RPS6KA3: variants seen among roughly 807,000 people sequenced by gnomAD.
The protein encoded by RPS6KA3 is ribosomal protein S6 kinase A3, also known as ribosomal protein S6 kinase alpha-3.
A neutral mutation model predicts 67.2 loss-of-function variants in RPS6KA3; 4 were observed. The observed-to-expected ratio is 0.06, with a 90% CI of 0.03 to 0.14. The LOEUF (loss-of-function observed/expected upper bound fraction) is 0.14, where lower values mean the gene tolerates loss of function less well. Ranked by LOEUF, RPS6KA3 falls within the 10% of genes least tolerant of loss-of-function variation. The pLI, the probability that RPS6KA3 is intolerant of heterozygous loss-of-function variation, is 1.00. For synonymous variants in RPS6KA3, 182 were observed against 183.7 expected (o/e 0.99, Z 0.07); for missense variants, 204 against 559.0 (o/e 0.36, Z 6.40).
At chrX:20,252,346 T>G (rs1012378999) in intron 1 of RPS6KA3, among the ~76,000 whole-genome samples, 1 of 111,898 alleles carries the variant, frequency 8.9e-6, no homozygotes, top group African/African-American at 3.3e-5. Flanking sequence ...TCCTGGTTTT[T>G]GGTATAAGTG....
chrX:20,191,782 T>C (rs1215062024), intron 7 of RPS6KA3, among the ~76,000 whole-genome samples: 1 of 111,468 alleles, frequency 9.0e-6, no homozygotes, highest in East Asian at 2.8e-4. Context: ...TTCTTTTTTT[T>C]TGAGACTGAG....
rs1221469315 is a variant in RPS6KA3, at chrX:20,199,328, G to C, written c.326-4183C>G. 3.6e-5 allele frequency among the ~76,000 whole-genome samples: 4 copies of C among 111,833 alleles called. No homozygotes were observed. The Admixed American group carries it at 3.8e-4, about 11-fold the overall frequency. On this transcript the variant is annotated intron_variant, in intron 4 of 21. Coordinates refer to ENST00000379565, the MANE Select transcript of RPS6KA3 (RefSeq NM_004586.3). Reference sequence around the variant, plus strand: ...ATGTTGAAGCAGGGAGAAGGGTACAGGGGGTTCACTATATTCTTCTGTCTC... The same window carrying C: ...ATGTTGAAGCAGGGAGAAGGGTACACGGGGTTCACTATATTCTTCTGTCTC...
At chrX:20,250,200 G>T (rs55678712) in intron 1 of RPS6KA3, among the ~76,000 whole-genome samples, 1 of 110,915 alleles carries the variant, frequency 9.0e-6, no homozygotes, top group African/African-American at 3.3e-5. Flanking sequence ...CTCCCATTTT[G>T]TTTTTAGAGA....
In RPS6KA3 at chrX:20,158,387, AAG is replaced by A. The variant is rs60488991; in HGVS notation, c.1960-2140_1960-2139del. The stretch of plus-strand genomic sequence containing the variant: ...TCTCAAAAAAAAAAAAAAAAAAAAA[AAG>A]AGAGAGAGAGAGAGAGAAATGGAGG... On this transcript the variant is annotated intron_variant, in intron 20 of 21. Transcript: ENST00000379565. Among the ~76,000 whole-genome samples the A allele has an allele frequency of 1.1e-4, 11 of 97,386 alleles. No individual in the cohort carries two copies. The East Asian group carries it at 1.2e-3, about 11-fold the overall frequency. The allele number at this position is 97,386 out of a possible 115,157, so 84.6% of individuals were successfully genotyped here. A position where few individuals can be genotyped will look rare whatever the true frequency, so the allele number is the denominator to read the frequency against.
At chrX:20,263,589 G>A (rs910896228) in intron 1 of RPS6KA3, among the ~76,000 whole-genome samples, 3 of 111,774 alleles carry the variant, frequency 2.7e-5, no homozygotes, top group African/African-American at 9.8e-5. Flanking sequence ...TGAGATTCGT[G>A]TGAGGTCTTA....
At chrX:20,187,153 G>C (rs1166126430) in intron 9 of RPS6KA3, among the ~76,000 whole-genome samples, 1 of 111,797 alleles carries the variant, frequency 8.9e-6, no homozygotes. Flanking sequence ...CTGACTTTAA[G>C]TGATCCACCT....
intron 1 of RPS6KA3, among the ~76,000 whole-genome samples, chrX:20,263,494 T>C (rs1200729180): frequency 8.9e-6 from 1 of 112,120 alleles, no homozygotes; most frequent in Non-Finnish European, 1.9e-5. Context: ...AATTTGCTTC[T>C]TTAAACATTT....
chrX:20,200,361 CTG>C, intron 4 of RPS6KA3, among the ~76,000 whole-genome samples: 1 of 111,888 alleles, frequency 8.9e-6, no homozygotes, highest in Non-Finnish European at 1.9e-5. Context: ...GTCATTGTCT[CTG>C]GGGTTCAAGA....
intron 2 of RPS6KA3, among the ~76,000 whole-genome samples, chrX:20,219,644 T>G (rs1335496008): frequency 9.0e-6 from 1 of 111,563 alleles, no homozygotes; most frequent in Non-Finnish European, 1.9e-5. Flanking sequence ...AATGAAACAC[T>G]TAAGAAGCCA....
chrX:20,255,202 C>A (rs1352081672), intron 1 of RPS6KA3, among the ~76,000 whole-genome samples: 1 of 111,718 alleles, frequency 9.0e-6, no homozygotes, highest in South Asian at 3.7e-4. Flanking sequence ...AACCTTGAAA[C>A]ATGCAAGAAC....
chrX:20,169,364 A>G, intron 16 of RPS6KA3, 38 bp downstream of exon 16: 3 of 842,283 alleles, frequency 3.6e-6, no homozygotes, highest in Non-Finnish European at 5.4e-6. Context: ...TGAGTTAGAC[A>G]ACTGATTCAA....
At chrX:20,166,728 T>A (rs1404623551) in intron 17 of RPS6KA3, among the ~76,000 whole-genome samples, 1 of 95,676 alleles carries the variant, frequency 1.0e-5, no homozygotes, top group African/African-American at 3.9e-5. Flanking sequence ...TTTTTTTTTT[T>A]TTTTTTTGAG....
chrX:20,234,909 G>A, intron 1 of RPS6KA3, 95 bp from the exon 2 acceptor site: 4 of 643,292 alleles, frequency 6.2e-6, no homozygotes, highest in Non-Finnish European at 7.7e-6. Flanking sequence ...AATTGAGGAA[G>A]ATTTTCACCC....
In RPS6KA3 at chrX:20,246,784, AAGAT is replaced by A. The variant is rs770141522; in HGVS notation, c.70-11974_70-11971del. Among the ~76,000 whole-genome samples, 7 of 112,268 alleles carry A rather than the reference AAGAT, an allele frequency of 6.2e-5. No homozygotes were observed. In the East Asian group the frequency reaches 1.1e-3, roughly 18 times the overall value. ...TCTTACAAACATCTTTATGTACAAAAAGATAGCATTAATAAGTTACAAGGAAAAC... is the reference window on the plus strand; with the variant it reads ...TCTTACAAACATCTTTATGTACAAAAAGCATTAATAAGTTACAAGGAAAAC... On this transcript the variant is annotated intron_variant, in intron 1 of 21. Coordinates refer to ENST00000379565, the MANE Select transcript of RPS6KA3 (RefSeq NM_004586.3).
intron 1 of RPS6KA3, chrX:20,240,630 TA>T: frequency 2.8e-5 from 8 of 289,904 alleles, no homozygotes; most frequent in African/African-American, 2.9e-5. Flanking sequence ...GAGATGTGCA[TA>T]AAGACTTATG....
chrX:20,260,036 C>T lies in RPS6KA3; in HGVS notation c.69+6528G>A, dbSNP rs188450144. 3.5e-3 allele frequency among the ~76,000 whole-genome samples: 386 copies of T among 111,284 alleles called. 3 individuals carry two copies. Among genetic ancestry groups the T allele is most frequent in the African/African-American group, 0.012 (372 of 30,628 alleles). ...AAAACCCAGTTACCCTATGGCATTT[C>T]GAAATAACTAAAACAAATGTATTTA... On this transcript the variant is annotated intron_variant, in intron 1 of 21. Coordinates refer to ENST00000379565, the MANE Select transcript of RPS6KA3 (RefSeq NM_004586.3).
chrX:20,199,408 A>G (rs1238651384), intron 4 of RPS6KA3, among the ~76,000 whole-genome samples: 1 of 112,081 alleles, frequency 8.9e-6, no homozygotes, highest in African/African-American at 3.2e-5. Context: ...TGAAATAATC[A>G]GAGAACAAGA....
In RPS6KA3 at chrX:20,152,657, A is replaced by G. The variant is rs1471569311; in HGVS notation, c.*2741T>C. On this transcript the variant is annotated 3_prime_UTR_variant, in exon 22 of 22. Transcript: ENST00000379565. ...AACCCAACACAAGCACTATATTTAG[A>G]GCACATCGTTGGCCAAGTTTTTCCA... 8.9e-6 allele frequency: 1 copy of G among 112,347 alleles called. No individual in the cohort carries two copies. The highest frequency in any genetic ancestry group is 1.9e-5 in the Non-Finnish European group (1 of 53,254). 9.3% of individuals were successfully genotyped at this position (112,347 alleles called of 1,213,427 possible).
chrX:20,254,661 C>T (rs1269769793), intron 1 of RPS6KA3, among the ~76,000 whole-genome samples: 5 of 112,111 alleles, frequency 4.5e-5, no homozygotes, highest in Non-Finnish European at 9.4e-5. Flanking sequence ...AGAACAAAAG[C>T]CAACTTAAGT....
Sources: allele counts gnomAD v4.1 joint callset (sites outside exome capture counted in the v4.1 genomes callset), GRCh38; gene constraint gnomAD v4.1.1; transcripts MANE v1.5; gene names NCBI Gene and HGNC (gene_info 2026-07-23, HGNC 2026-07-21).